The following TRMT9B variants were observed in gnomAD, a reference collection of about 807,000 sequenced individuals.
TRMT9B encodes the protein probable tRNA methyltransferase 9B.
A neutral mutation model predicts 11.5 loss-of-function variants in TRMT9B; 16 were observed. That is an observed-to-expected ratio of 1.39 (90% CI 0.94 to 2.11). TRMT9B has a LOEUF of 2.11. Among genes scored for constraint, TRMT9B ranks in the 30% most tolerant of loss-of-function variants. The pLI is 0.00. For synonymous variants in TRMT9B, 274 were observed against 192.4 expected, an observed-to-expected ratio of 1.42 and a Z score of -3.51; for missense variants, 941 against 553.8, an observed-to-expected ratio of 1.70 and a Z score of -7.02.
intron 1 of TRMT9B, among the ~76,000 whole-genome samples, chr8:12,973,478 C>T (rs1803944667): frequency 1.3e-5 from 2 of 152,214 alleles, no homozygotes; most frequent in South Asian, 4.1e-4. Flanking sequence ...TAGAAGCAAT[C>T]TATGGCAGCA....
chr8:12,982,779 C>G (rs901205743), intron 1 of TRMT9B, among the ~76,000 whole-genome samples: 3 of 152,112 alleles, frequency 2.0e-5, no homozygotes, highest in Admixed American at 6.5e-5. Context: ...TTTTGAGTGA[C>G]CACATGATGC....
intron 1 of TRMT9B, among the ~76,000 whole-genome samples, chr8:12,976,625 G>A (rs1273448724): frequency 6.6e-6 from 1 of 152,068 alleles, no homozygotes; most frequent in Non-Finnish European, 1.5e-5. Context: ...TATCAGTACA[G>A]ATTTCTGTAA....
chr8:13,017,560 T>G (rs1217092441), intron 4 of TRMT9B, among the ~76,000 whole-genome samples: 7 of 152,056 alleles, frequency 4.6e-5, no homozygotes, highest in Admixed American at 4.6e-4. Context: ...ATAGAACATG[T>G]ATGCGTATGC....
Position 12,964,299 on chromosome 8 carries a change from A to G in TRMT9B, c.-200+18333A>G, listed in dbSNP as rs186877674. 1.4e-3 allele frequency among the ~76,000 whole-genome samples: 214 copies of G among 152,326 alleles called. 4 individuals are homozygous for G. Among genetic ancestry groups the G allele is most frequent in the Non-Finnish European group, 3.5e-4 (24 of 68,022 alleles). ...TAACACATCCTCATCTTTCTTGGCA[A>G]TAAGTAAAATAGTTGTGTATTTTAC... On this transcript the variant is annotated intron_variant, in intron 1 of 4. Transcript: ENST00000524591.
intron 1 of TRMT9B, 64 bp from the exon 2 acceptor site, chr8:12,990,770 C>A: frequency 1.8e-6 from 2 of 1,083,410 alleles, no homozygotes; most frequent in Non-Finnish European, 2.5e-6. Context: ...TCAGCCTGGG[C>A]TGTAGCTGGC....
At chr8:12,955,296 A>G (rs1342806385) in intron 1 of TRMT9B, among the ~76,000 whole-genome samples, 1 of 152,120 alleles carries the variant, frequency 6.6e-6, no homozygotes, top group Non-Finnish European at 1.5e-5. Flanking sequence ...TAGGTTAAAG[A>G]AGTAACCTGT....
Position 13,021,669 on chromosome 8 carries a change from G to A in TRMT9B, c.990G>A (p.Leu330=), listed in dbSNP as rs139944776. The A allele has an allele frequency of 6.2e-7, 1 of 1,613,886 alleles. No homozygotes were observed. Among genetic ancestry groups the A allele is most frequent in the African/African-American group, 1.3e-5 (1 of 75,038 alleles). The change falls in exon 5 of 5, where the codon CTG becomes CTA. Residue 330 remains leucine, a synonymous_variant. Coordinates refer to ENST00000524591, the MANE Select transcript of TRMT9B (RefSeq NM_020844.3). ...HLEWLRAPGT[L]KHLNGDHQGE... is the part of the protein sequence containing the mutation. Reference sequence around the variant, plus strand: ...AGTGGCTGAGAGCACCAGGCACTCTGAAACATTTAAATGGAGACCATCAAG... The same window carrying A: ...AGTGGCTGAGAGCACCAGGCACTCTAAAACATTTAAATGGAGACCATCAAG...
At chr8:12,989,828 T>G (rs965930710) in intron 1 of TRMT9B, among the ~76,000 whole-genome samples, 8 of 152,236 alleles carry the variant, frequency 5.3e-5, no homozygotes, top group Admixed American at 1.3e-4. Flanking sequence ...TCAAAATGCT[T>G]CTTAAACGCA....
intron 2 of TRMT9B, among the ~76,000 whole-genome samples, chr8:12,991,329 TG>T (rs1236336921): frequency 2.6e-5 from 4 of 152,240 alleles, no homozygotes; most frequent in Admixed American, 2.6e-4. Flanking sequence ...CAATATCATT[TG>T]TACTTGGAAA....
At chr8:13,013,074 T>C (rs945404687) in intron 4 of TRMT9B, among the ~76,000 whole-genome samples, 1 of 152,244 alleles carries the variant, frequency 6.6e-6, no homozygotes, top group African/African-American at 2.4e-5. Context: ...ACCTTCAACT[T>C]GGTATTGCAG....
At chr8:12,999,213 C>T (rs894154682) in intron 2 of TRMT9B, among the ~76,000 whole-genome samples, 3 of 149,942 alleles carry the variant, frequency 2.0e-5, no homozygotes, top group Non-Finnish European at 3.0e-5. Flanking sequence ...GCAGGAGAAT[C>T]GCTTGAACCT....
intron 2 of TRMT9B, among the ~76,000 whole-genome samples, chr8:12,993,148 A>C (rs917928017): frequency 6.6e-6 from 1 of 152,166 alleles, no homozygotes; most frequent in Non-Finnish European, 1.5e-5. Flanking sequence ...ACGATATAAG[A>C]CTGCAAAGTG....
At chr8:13,004,315 C>T (rs2128888931) in intron 2 of TRMT9B, among the ~76,000 whole-genome samples, 1 of 151,962 alleles carries the variant, frequency 6.6e-6, no homozygotes, top group South Asian at 2.1e-4. Flanking sequence ...GAGGGAACGC[C>T]ACTACTGAGA....
In TRMT9B at chr8:13,017,123, A is replaced by T. The variant is rs182369562; in HGVS notation, c.329-3885A>T. ...GGGCGACAGAGCAAGACTGCGTCTC[A>T]AAAAAACCCCGAATTATCTAGCCCA... On this transcript the variant is annotated intron_variant, in intron 4 of 4. Transcript: ENST00000524591. Among the ~76,000 whole-genome samples the T allele has an allele frequency of 3.2e-3, 493 of 152,036 alleles. 4 individuals carry two copies. Among genetic ancestry groups the T allele is most frequent in the African/African-American group, 0.01 (430 of 41,476 alleles).
At chr8:12,994,874 G>C (rs1808056237) in intron 2 of TRMT9B, among the ~76,000 whole-genome samples, 1 of 152,108 alleles carries the variant, frequency 6.6e-6, no homozygotes, top group Admixed American at 6.5e-5. Context: ...TAGAGACGGG[G>C]TTTCTCCATG....
intron 1 of TRMT9B, among the ~76,000 whole-genome samples, chr8:12,971,550 G>T (rs1368159594): frequency 6.6e-6 from 1 of 152,148 alleles, no homozygotes; most frequent in East Asian, 1.9e-4. Flanking sequence ...GCGATATCCA[G>T]TATACAGTTG....
In TRMT9B at chr8:13,022,150, C is replaced by G; in HGVS notation, c.*106C>G. The G allele has an allele frequency of 1.2e-6, 1 of 811,808 alleles. No individual in the cohort carries two copies. Among genetic ancestry groups the G allele is most frequent in the South Asian group, 2.0e-5 (1 of 51,184 alleles). The allele number at this position is 811,808 out of a possible 1,614,324, so 50.3% of individuals were successfully genotyped here. A position where few individuals can be genotyped will look rare whatever the true frequency, so the allele number is the denominator to read the frequency against. ...TCAGTGTTATTTGTTAATCCATTTA[C>G]GCTTTGGTCTGCAGAGACTATTAAT... On this transcript the variant is annotated 3_prime_UTR_variant, in exon 5 of 5. Transcript: ENST00000524591.
intron 2 of TRMT9B, among the ~76,000 whole-genome samples, chr8:13,005,470 G>A (rs1440951318): frequency 6.6e-6 from 1 of 152,130 alleles, no homozygotes; most frequent in East Asian, 1.9e-4. Flanking sequence ...AGTGCTCGAG[G>A]TGATGAACAC....
At chr8:12,995,374 C>A (rs912456945) in intron 2 of TRMT9B, among the ~76,000 whole-genome samples, 29 of 152,206 alleles carry the variant, frequency 1.9e-4, no homozygotes, top group African/African-American at 7.0e-4. Flanking sequence ...TAGATATAAA[C>A]AAATTTATAC....
Sources: allele counts gnomAD v4.1 joint callset (sites outside exome capture counted in the v4.1 genomes callset), GRCh38; gene constraint gnomAD v4.1.1; transcripts MANE v1.5; gene names NCBI Gene and HGNC (gene_info 2026-07-23, HGNC 2026-07-21).